Variants in ERI1 observed in about 807,000 individuals in gnomAD.
ERI1 encodes 3'-5' exoribonuclease 1.
ERI1 carries 39 observed loss-of-function variants against 39.7 expected under a neutral mutation model. The observed-to-expected ratio is 0.98, with a 90% CI of 0.76 to 1.28. ERI1 has a LOEUF of 1.28. ERI1 is among the 50% of genes most tolerant of loss of function. The pLI is 0.00. For synonymous variants in ERI1, 204 were observed against 149.6 expected, an observed-to-expected ratio of 1.36 and a Z score of -2.65; for missense variants, 581 against 416.9, an observed-to-expected ratio of 1.39 and a Z score of -3.43.
intron 6 of ERI1, among the ~76,000 whole-genome samples, chr8:9,027,335 T>C (rs1029949709): frequency 1.3e-5 from 2 of 152,190 alleles, no homozygotes; most frequent in African/African-American, 2.4e-5. Flanking sequence ...CCTCATTTAC[T>C]AAATGAGGTA....
chr8:9,088,692 C>T (rs1376246614), intron 3 of ERI1: 1 of 152,226 alleles, frequency 6.6e-6, no homozygotes, highest in Non-Finnish European at 1.5e-5. Context: ...GCTAGTCAGT[C>T]ATCCTTTGTT....
rs544404381 is a variant in ERI1, at chr8:9,021,789, T to C, written c.807+1325T>C. Among the ~76,000 whole-genome samples the C allele has an allele frequency of 1.3e-4, 19 of 147,656 alleles. No homozygotes were observed. In the East Asian group the frequency reaches 2.9e-3, roughly 23 times the overall value. ...TGTTTTTTTTGTTTTTTTTTTTTTT[T>C]CAATATTATGCTTGAGATCCATCCA... is the stretch of plus-strand genomic sequence containing the variant. On this transcript the variant is annotated intron_variant, in intron 6 of 6. Transcript: ENST00000250263.
chr8:9,004,910 A>G (rs1353806207), intron 1 of ERI1, among the ~76,000 whole-genome samples: 1 of 151,838 alleles, frequency 6.6e-6, no homozygotes, highest in Non-Finnish European at 1.5e-5. Context: ...CTGGTCTGGA[A>G]CTCCTGACCT....
chr8:9,085,121 G>A (rs1799485370), intron 3 of ERI1, among the ~76,000 whole-genome samples: 3 of 152,128 alleles, frequency 2.0e-5, no homozygotes, highest in Admixed American at 2.0e-4. Flanking sequence ...ACAAACCCTA[G>A]GTGATTTACA....
chr8:9,077,735 G>A (rs759857182), intron 3 of ERI1, among the ~76,000 whole-genome samples: 1 of 152,216 alleles, frequency 6.6e-6, no homozygotes, highest in Non-Finnish European at 1.5e-5. Context: ...TTCCCTGGCT[G>A]ATGATTGCAT....
intron 3 of ERI1, chr8:9,072,528 G>A (rs2028806): frequency 0.37 from 55,701 of 151,648 alleles, 11,178 homozygotes; most frequent in East Asian, 0.74. Flanking sequence ...ATTTCAGAAC[G>A]TTTAATCACC....
At chr8:9,010,604 ATACTT>A (rs1021831580) in intron 2 of ERI1, among the ~76,000 whole-genome samples, 3 of 152,216 alleles carry the variant, frequency 2.0e-5, no homozygotes, top group Non-Finnish European at 4.4e-5. Context: ...AGTTAACATG[ATACTT>A]TACTTGGCAC....
intron 6 of ERI1, among the ~76,000 whole-genome samples, chr8:9,024,212 C>T (rs541035550): frequency 2.0e-5 from 3 of 152,168 alleles, no homozygotes; most frequent in South Asian, 2.1e-4. Flanking sequence ...TGAAATAATT[C>T]GCTTAGGATG....
chr8:9,042,321 AG>A (rs1798051845), intron 3 of ERI1, among the ~76,000 whole-genome samples: 1 of 152,192 alleles, frequency 6.6e-6, no homozygotes, highest in Non-Finnish European at 1.5e-5. Context: ...TCTCTGCAAA[AG>A]GTTCCTAAAA....
chr8:9,037,030 A>G (rs1319693260), downstream of ERI1, among the ~76,000 whole-genome samples: 2 of 152,146 alleles, frequency 1.3e-5, no homozygotes, highest in African/African-American at 4.8e-5. Context: ...CATCATTGCT[A>G]CACAGACTAT....
Position 9,016,552 on chromosome 8 carries a change from A to G in ERI1, c.582+147A>G, listed in dbSNP as rs1244957377. 1.2e-5 allele frequency: 5 copies of G among 413,918 alleles called. No homozygotes were observed. The East Asian group carries it at 1.9e-4, about 16-fold the overall frequency. The allele number at this position is 413,918 out of a possible 1,614,324, so 25.6% of individuals were successfully genotyped here. A position where few individuals can be genotyped will look rare whatever the true frequency, so the allele number is the denominator to read the frequency against. On this transcript the variant is annotated intron_variant, in intron 4 of 6. Coordinates refer to ENST00000250263, the MANE Select transcript of ERI1 (RefSeq NM_153332.4). ...GATCTTTCATGTTGTAATAATTAAA[A>G]AAAAAAAAACAGCAAATTTTATATC...
intron 4 of ERI1, among the ~76,000 whole-genome samples, chr8:9,016,805 C>T (rs1205252303): frequency 6.6e-6 from 1 of 152,098 alleles, no homozygotes; most frequent in Non-Finnish European, 1.5e-5. Context: ...CCTGCCTCAA[C>T]CTCCTGAGTA....
intron 4 of ERI1, among the ~76,000 whole-genome samples, chr8:9,016,752 C>T (rs2117229349): frequency 6.6e-6 from 1 of 152,264 alleles, no homozygotes; most frequent in East Asian, 1.9e-4. Flanking sequence ...GTGGCGTGAC[C>T]TCGGCTCACT....
Position 9,005,707 on chromosome 8 carries a change from C to T in ERI1, c.109-2263C>T, listed in dbSNP as rs1003896118. Among the ~76,000 whole-genome samples, 6 of 151,254 alleles carry T rather than the reference C, an allele frequency of 4.0e-5. No homozygotes were observed. In the East Asian group the frequency reaches 5.8e-4, roughly 15 times the overall value. ...ATTTTTAGTAGAGACGGGGTTTCAC[C>T]GTGGTCTCTATCTCCTGACCTCGTT... On this transcript the variant is annotated intron_variant, in intron 1 of 6. Transcript: ENST00000250263.
chr8:9,056,018 G>A (rs1280981926), intron 3 of ERI1, among the ~76,000 whole-genome samples: 1 of 152,178 alleles, frequency 6.6e-6, no homozygotes, highest in South Asian at 2.1e-4. Flanking sequence ...TCACTTTGGG[G>A]CATCACTTTC....
chr8:9,083,879 C>T (rs916578704), intron 3 of ERI1, among the ~76,000 whole-genome samples: 12 of 151,980 alleles, frequency 7.9e-5, no homozygotes, highest in Non-Finnish European at 1.3e-4. Context: ...CTGCAAACTC[C>T]GCCTCCTGGG....
At chr8:9,018,842 C>G (rs1466931604) in intron 5 of ERI1, among the ~76,000 whole-genome samples, 1 of 152,190 alleles carries the variant, frequency 6.6e-6, no homozygotes, top group Non-Finnish European at 1.5e-5. Flanking sequence ...ATGCCTCCCT[C>G]TGTACTGAGA....
chr8:9,099,598 CAAAAAAAAA>C (rs752054721), intron 3 of ERI1, among the ~76,000 whole-genome samples: 1 of 90,514 alleles, frequency 1.1e-5, no homozygotes, highest in African/African-American at 4.1e-5. Flanking sequence ...CTCTCTCTCT[CAAAAAAAAA>C]AAAAAAAAGA....
At chr8:9,057,175 C>T (rs1171864763) in intron 3 of ERI1, among the ~76,000 whole-genome samples, 3 of 149,518 alleles carry the variant, frequency 2.0e-5, no homozygotes, top group African/African-American at 7.4e-5. Context: ...GACAGGGACT[C>T]GCTCTGTCGC....
Sources: allele counts gnomAD v4.1 joint callset (sites outside exome capture counted in the v4.1 genomes callset), GRCh38; gene constraint gnomAD v4.1.1; transcripts MANE v1.5; gene names NCBI Gene and HGNC (gene_info 2026-07-23, HGNC 2026-07-21).